The following WFS1 variants were observed in gnomAD, a reference collection of about 807,000 sequenced individuals.
WFS1 encodes wolframin ER transmembrane glycoprotein, also known as wolframin.
A neutral mutation model predicts 68.5 loss-of-function variants in WFS1; 90 were observed. The observed-to-expected ratio is 1.31, with a 90% CI of 1.11 to 1.56. The LOEUF (loss-of-function observed/expected upper bound fraction) is 1.56, where lower values mean the gene tolerates loss of function less well. Among genes scored for constraint, WFS1 ranks in the 40% most tolerant of loss-of-function variants. The pLI, the probability that WFS1 is intolerant of heterozygous loss-of-function variation, is 0.00. For synonymous variants in WFS1, 860 were observed against 540.7 expected, an observed-to-expected ratio of 1.59 and a Z score of -8.19; for missense variants, 1,767 against 1,232.6, an observed-to-expected ratio of 1.43 and a Z score of -6.49.
chr4:6,282,662 C>T (rs926358839), intron 2 of WFS1, among the ~76,000 whole-genome samples: 5 of 152,236 alleles, frequency 3.3e-5, no homozygotes, highest in African/African-American at 1.2e-4. Context: ...TCCCAGCCCA[C>T]TTTGGGAAAA....
chr4:6,277,576 C>A lies in WFS1; in HGVS notation c.121C>A (p.Pro41Thr). The A allele has an allele frequency of 1.3e-6, 2 of 1,584,254 alleles. No individual in the cohort carries two copies. The highest frequency in any genetic ancestry group is 8.6e-7 in the Non-Finnish European group (1 of 1,165,632). The change falls in exon 2 of 8, where the codon CCC becomes ACC. Residue 41 changes from proline to threonine, a missense_variant. By Grantham distance (38) the Pro-to-Thr change is conservative. Coordinates refer to ENST00000226760, the MANE Select transcript of WFS1 (RefSeq NM_006005.3). ...GTTGGAGCAGGAGAGGAGCGAAAGG[C>A]CCCGAGCACCCGGACCCCAGGCTGG... ...ASLEQERSERPRAPGPQAGPG... is the reference protein window; with the variant it reads ...ASLEQERSERTRAPGPQAGPG...
At chr4:6,299,294 G>GCC (rs1266629464) in intron 7 of WFS1, among the ~76,000 whole-genome samples, 1 of 152,200 alleles carries the variant, frequency 6.6e-6, no homozygotes, top group African/African-American at 2.4e-5. Flanking sequence ...GCTCCTCTTG[G>GCC]CTGTGGTGAA....
chr4:6,302,427 G>A lies in WFS1; in HGVS notation c.2632G>A (p.Ala878Thr), dbSNP rs570527044. 39 of 1,613,134 alleles carry A rather than the reference G, an allele frequency of 2.4e-5. No individual in the cohort carries two copies. In the South Asian group the frequency reaches 2.6e-4, roughly 11 times the overall value. ...CACCGTGCATGGCGCCGTGAAGTTC[G>A]CCTTCGACTTCTTTTTCTTCCCATT... ...RSTVHGAVKF[A>T]FDFFFFPFLS... Residue 878 changes from alanine to threonine, a missense_variant, in exon 8 of 8, where the codon GCC (alanine) becomes ACC (threonine). Ala to Thr is a moderately conservative substitution (Grantham distance 58, BLOSUM62 0). Coordinates refer to ENST00000226760, the MANE Select transcript of WFS1 (RefSeq NM_006005.3).
rs1560421688 is a variant in WFS1, at chr4:6,302,171, C to T, written c.2376C>T (p.Ser792=). The T allele has an allele frequency of 6.2e-7, 1 of 1,612,712 alleles. No individual in the cohort carries two copies. Among genetic ancestry groups the T allele is most frequent in the Non-Finnish European group, 8.5e-7 (1 of 1,179,966 alleles). ...PFSSGADGSR[S]REEDDVTKDI... is the part of the protein sequence containing the mutation. The stretch of plus-strand genomic sequence containing the variant: ...GCAGCGGCGCTGACGGCTCGCGCAG[C>T]CGCGAGGAGGACGACGTCACCAAGG... The change falls in exon 8 of 8, where the codon AGC becomes AGT. Residue 792 remains serine (S), a synonymous_variant. Transcript: ENST00000226760.
chr4:6,301,301 C>T lies in WFS1; in HGVS notation c.1506C>T (p.Ser502=), dbSNP rs773684789. The change falls in exon 8 of 8, where the codon AGC becomes AGT. Residue 502 remains serine (S), a synonymous_variant. Transcript: ENST00000226760. ...GCCACCTGGTCGTCCTCAACGTCAGCGTCCCGTGCCTGCTCTATGTCTACC... is the reference window on the plus strand; with the variant it reads ...GCCACCTGGTCGTCCTCAACGTCAGTGTCCCGTGCCTGCTCTATGTCTACC... ...PVGHLVVLNV[S]VPCLLYVYLL... is the part of the protein sequence containing the mutation. 34 of 1,611,192 alleles carry T rather than the reference C, an allele frequency of 2.1e-5. No individual in the cohort carries two copies. Among genetic ancestry groups the T allele is most frequent in the Middle Eastern group, 3.3e-4 (2 of 6,062 alleles).
rs763677869 is a variant in WFS1, at chr4:6,301,025, CTCTG to C, written c.1234_1237del (p.Val412SerfsTer29). ...TGGAGCCCTATGCCCATTTCCTGCT[CTCTG>C]TCTTCTTCGTCATCTTCTCCTTCCC... On this transcript the variant is annotated frameshift_variant, in exon 8 of 8. Transcript: ENST00000226760. LOFTEE classifies it high-confidence loss of function. 3.1e-6 allele frequency: 5 copies of C among 1,613,980 alleles called. No individual in the cohort carries two copies. Among genetic ancestry groups the C allele is most frequent in the Non-Finnish European group, 3.4e-6 (4 of 1,179,984 alleles).
In WFS1 at chr4:6,301,574, G is replaced by C. The variant is rs144783536; in HGVS notation, c.1779G>C (p.Glu593Asp). The change falls in exon 8 of 8, where the codon GAG (glutamate) becomes GAC (aspartate). Residue 593 changes from glutamate to aspartate, a missense_variant. Physicochemically the swap from Glu to Asp is conservative, Grantham distance 45. Transcript: ENST00000226760. ...LQFARWFTSL[E>D]LTKIAVTVAV... ...TCGCCCGGTGGTTCACGTCTCTGGA[G>C]CTCACCAAGATCGCAGTCACCGTGG... 1.1e-4 allele frequency: 177 copies of C among 1,614,158 alleles called. No individual in the cohort carries two copies. In the African/African-American group the frequency reaches 2.2e-3, roughly 20 times the overall value.
At chr4:6,280,793 C>T (rs542493692) in intron 2 of WFS1, among the ~76,000 whole-genome samples, 1 of 152,222 alleles carries the variant, frequency 6.6e-6, no homozygotes, top group African/African-American at 2.4e-5. Context: ...CTGAGCTCTC[C>T]TGCTGTCTCT....
Position 6,287,921 on chromosome 4 carries a change from A to G in WFS1, c.315+746A>G, listed in dbSNP as rs949178013. ...AGAAAAGCTTCCACGCGAAACCATA[A>G]ATTAAGAATTTCTGGCTGGGAGCGG... On this transcript the variant is annotated intron_variant, in intron 3 of 7. Coordinates refer to ENST00000226760, the MANE Select transcript of WFS1 (RefSeq NM_006005.3). The surrounding 1 kb of genome is among the most constrained non-coding windows in gnomAD (Gnocchi z 6.4). Among the ~76,000 whole-genome samples, 1 of 152,148 alleles carries G rather than the reference A, an allele frequency of 6.6e-6. No homozygotes were observed. The highest frequency in any genetic ancestry group is 6.5e-5 in the Admixed American group (1 of 15,282).
chr4:6,301,487 C>G lies in WFS1; in HGVS notation c.1692C>G (p.Phe564Leu), dbSNP rs140643985. ...TGCTCCGCGCCTCCATCGGCTACTTCCTCTTCCTCTTTGCCCTCCCCATCC... is the reference window on the plus strand; with the variant it reads ...TGCTCCGCGCCTCCATCGGCTACTTGCTCTTCCTCTTTGCCCTCCCCATCC... Reference protein sequence around the residue: ...LGLLRASIGYFLFLFALPILV... With the variant: ...LGLLRASIGYLLFLFALPILV... Residue 564 changes from phenylalanine to leucine, a missense_variant, in exon 8 of 8, where the codon TTC becomes TTG. Phe to Leu is a conservative substitution (Grantham distance 22). Coordinates refer to ENST00000226760, the MANE Select transcript of WFS1 (RefSeq NM_006005.3). 24 of 1,612,920 alleles carry G rather than the reference C, an allele frequency of 1.5e-5. No homozygotes were observed. The African/African-American group carries it at 2.9e-4, about 20-fold the overall frequency.
chr4:6,301,253 G>T lies in WFS1; in HGVS notation c.1458G>T (p.Gln486His). Residue 486 changes from glutamine to histidine, a missense_variant, in exon 8 of 8, where the codon CAG becomes CAT. Physicochemically the swap from Gln to His is conservative, Grantham distance 24. Transcript: ENST00000226760. ...GGCCCTACCTGAAGGTCCTTGGCCA[G>T]ACCTTCATCACCGTGCCTGTCGGCC... Reference protein sequence around the residue: ...LNWPYLKVLGQTFITVPVGHL... With the variant: ...LNWPYLKVLGHTFITVPVGHL... 6.2e-7 allele frequency: 1 copy of T among 1,611,448 alleles called. No homozygotes were observed. The highest frequency in any genetic ancestry group is 1.1e-5 in the South Asian group (1 of 91,082).
At chr4:6,286,976 G>T in intron 2 of WFS1, 117 bp from the exon 3 acceptor site, 2 of 932,432 alleles carry the variant, frequency 2.1e-6, no homozygotes, top group Non-Finnish European at 3.4e-6. Context: ...TCCTGGCCTG[G>T]ATTTGAAAGT....
chr4:6,287,234 G>A lies in WFS1; in HGVS notation c.315+59G>A. On this transcript the variant is annotated intron_variant, in intron 3 of 7. Coordinates refer to ENST00000226760, the MANE Select transcript of WFS1 (RefSeq NM_006005.3). The surrounding 1 kb of genome is among the most constrained non-coding windows in gnomAD (Gnocchi z 6.4). Reference sequence around the variant, plus strand: ...CGCGGCCCCCGGCACAACAGGCCTGGCCACGAGCTCCACAGCCCACAGAGA... The same window carrying A: ...CGCGGCCCCCGGCACAACAGGCCTGACCACGAGCTCCACAGCCCACAGAGA... The A allele has an allele frequency of 2.1e-6, 3 of 1,438,674 alleles. No individual in the cohort carries two copies. The highest frequency in any genetic ancestry group is 2.9e-6 in the Non-Finnish European group (3 of 1,046,674). 89.1% of individuals were successfully genotyped at this position (1,438,674 alleles called of 1,614,324 possible).
intron 7 of WFS1, 70 bp downstream of exon 7, chr4:6,295,259 C>G: frequency 6.3e-7 from 1 of 1,596,302 alleles, no homozygotes; most frequent in Non-Finnish European, 8.5e-7. Flanking sequence ...GGCAGGGCAC[C>G]TTCCAGGAAG....
In WFS1 at chr4:6,301,696, A is replaced by C. The variant is rs104893882; in HGVS notation, c.1901A>C (p.Lys634Thr). 1 of 1,614,092 alleles carries C rather than the reference A, an allele frequency of 6.2e-7. No homozygotes were observed. The highest frequency in any genetic ancestry group is 8.5e-7 in the Non-Finnish European group (1 of 1,180,038). The change falls in exon 8 of 8, where the codon AAG (lysine) becomes ACG (threonine). Residue 634 changes from lysine (K) to threonine (T), a missense_variant. By Grantham distance (78) the Lys-to-Thr change is moderately conservative. Transcript: ENST00000226760. ...TCCCTGACGCGGAGCTCCATGGTCAAGCTCATCCTGGTGTGGCTCACGGCC... is the reference window on the plus strand; with the variant it reads ...TCCCTGACGCGGAGCTCCATGGTCACGCTCATCCTGGTGTGGCTCACGGCC... ...VKSLTRSSMV[K>T]LILVWLTAIV...
intron 7 of WFS1, among the ~76,000 whole-genome samples, chr4:6,298,381 C>T (rs1322511326): frequency 6.6e-6 from 1 of 152,246 alleles, no homozygotes; most frequent in Admixed American, 6.5e-5. Flanking sequence ...AGTGCCTGGT[C>T]TTCCCTGGCC....
chr4:6,289,107 C>T lies in WFS1; in HGVS notation c.436C>T (p.Arg146Cys), dbSNP rs1553876694. The T allele has an allele frequency of 1.9e-6, 3 of 1,581,110 alleles. No individual in the cohort carries two copies. Among genetic ancestry groups the T allele is most frequent in the African/African-American group, 1.3e-5 (1 of 74,404 alleles). Residue 146 changes from arginine (R) to cysteine (C), a missense_variant, in exon 4 of 8, where the codon CGC (arginine) becomes TGC (cysteine). Arg to Cys is a radical substitution (Grantham distance 180). Transcript: ENST00000226760. ...QGRREAVKLLRRCLADRRGIT... is the reference protein window; with the variant it reads ...QGRREAVKLLCRCLADRRGIT... Reference sequence around the variant, plus strand: ...CCGTCGCGAGGCTGTGAAGCTGCTTCGCCGGTGCTTGGCGGACAGAAGAGG... The same window carrying T: ...CCGTCGCGAGGCTGTGAAGCTGCTTTGCCGGTGCTTGGCGGACAGAAGAGG...
chr4:6,301,149 G>A lies in WFS1; in HGVS notation c.1354G>A (p.Glu452Lys), dbSNP rs946735844. Residue 452 changes from glutamate to lysine, a missense_variant, in exon 8 of 8, where the codon GAG (glutamate) becomes AAG (lysine). Physicochemically the swap from Glu to Lys is moderately conservative, Grantham distance 56. Transcript: ENST00000226760. Reference sequence around the variant, plus strand: ...CTACCTGAGCCTGAGCACCCATGCAGAGCCCTACACGCGCAGGGCCCTGGC... The same window carrying A: ...CTACCTGAGCCTGAGCACCCATGCAAAGCCCTACACGCGCAGGGCCCTGGC... ...TSYLSLSTHA[E>K]PYTRRALATE... The A allele has an allele frequency of 1.9e-6, 3 of 1,613,186 alleles. No homozygotes were observed. In the Admixed American group the frequency reaches 5.0e-5, roughly 27 times the overall value.
rs762859407 is a variant in WFS1 at position 6,287,581 on chromosome 4, T to C, written c.315+406T>C. ...CACGGGGCCCTCAGAGCGGTGACCATTCACTTGGGCATCAGCCAAGGGCTG... is the reference window on the plus strand; with the variant it reads ...CACGGGGCCCTCAGAGCGGTGACCACTCACTTGGGCATCAGCCAAGGGCTG... On this transcript the variant is annotated intron_variant, in intron 3 of 7. Coordinates refer to ENST00000226760, the MANE Select transcript of WFS1 (RefSeq NM_006005.3). This position sits in a 1 kb window ranked among gnomAD's most constrained non-coding sequence, Gnocchi z 6.4. Among the ~76,000 whole-genome samples, 7 of 152,218 alleles carry C rather than the reference T, an allele frequency of 4.6e-5. No individual in the cohort carries two copies. Among genetic ancestry groups the C allele is most frequent in the Admixed American group, 4.6e-4 (7 of 15,288 alleles).
Sources: gnomAD v4.1 joint callset for allele counts (sites outside exome capture counted in the v4.1 genomes callset) on GRCh38, gnomAD v4.1.1 for gene constraint, Gnocchi (gnomAD v3.1) non-coding constraint, MANE v1.5 for transcripts, NCBI Gene and HGNC (gene_info 2026-07-23, HGNC 2026-07-21) for gene names.